The following ZMYND8 variants were observed in gnomAD, a reference collection of about 807,000 sequenced individuals.
ZMYND8 encodes the protein zinc finger MYND-type containing 8.
A neutral mutation model predicts 140.8 loss-of-function variants in ZMYND8; 37 were observed. The observed-to-expected ratio is 0.26, with a 90% CI of 0.20 to 0.35. ZMYND8 has a LOEUF of 0.35. ZMYND8 is among the 10% of genes least tolerant of loss of function. The pLI is 1.00. For missense variants in ZMYND8, 1,068 were observed against 1,570.0 expected (o/e 0.68, Z 5.40); for synonymous variants, 592 against 597.1 (o/e 0.99, Z 0.12).
chr20:47,344,228 T>C (rs1400233524), intron 2 of ZMYND8, among the ~76,000 whole-genome samples: 1 of 152,108 alleles, frequency 6.6e-6, no homozygotes. Context: ...TCCCCCCACC[T>C]TGGCCTCCCA....
intron 2 of ZMYND8, among the ~76,000 whole-genome samples, chr20:47,314,824 A>T (rs1388178391): frequency 2.0e-5 from 3 of 152,184 alleles, no homozygotes; most frequent in Non-Finnish European, 2.9e-5. Context: ...AACAGGAAAC[A>T]ACCCCAGGCA....
At chr20:47,350,017 T>C in intron 1 of ZMYND8, 1 of 1,475,602 alleles carries the variant, frequency 6.8e-7, no homozygotes, top group South Asian at 1.3e-5. Context: ...GCAAACTAGT[T>C]ATGTGGTGGC....
chr20:47,283,517 T>C (rs1408328360), intron 9 of ZMYND8, 54 bp downstream of exon 9: 1 of 1,588,620 alleles, frequency 6.3e-7, no homozygotes. Context: ...CTCAGGGTAG[T>C]CATCCAAGGC....
At chr20:47,213,518 G>C (rs2035595804) in intron 21 of ZMYND8, among the ~76,000 whole-genome samples, 1 of 152,192 alleles carries the variant, frequency 6.6e-6, no homozygotes, top group Non-Finnish European at 1.5e-5. Context: ...TAAGCCAACA[G>C]ACAAGAGTGA....
chr20:47,241,841 G>A (rs1206672415), intron 14 of ZMYND8, among the ~76,000 whole-genome samples: 2 of 139,656 alleles, frequency 1.4e-5, no homozygotes, highest in Admixed American at 1.4e-4. Flanking sequence ...TTTTTGAGAT[G>A]GAGTCTTGCT....
intron 2 of ZMYND8, among the ~76,000 whole-genome samples, chr20:47,345,506 C>CTA (rs1010212157): frequency 3.6e-5 from 5 of 137,450 alleles, no homozygotes; most frequent in African/African-American, 1.3e-4. Context: ...ACCTGACCCA[C>CTA]TTTTTTTTTT....
At chr20:47,284,951 T>C (rs1041789838) in intron 8 of ZMYND8, among the ~76,000 whole-genome samples, 1 of 152,154 alleles carries the variant, frequency 6.6e-6, no homozygotes, top group Non-Finnish European at 1.5e-5. Context: ...AGAAATTAAA[T>C]GAGATAAATG....
chr20:47,232,949 C>T (rs2038735549), intron 16 of ZMYND8, among the ~76,000 whole-genome samples: 1 of 149,778 alleles, frequency 6.7e-6, no homozygotes, highest in Non-Finnish European at 1.5e-5. Context: ...CTCTGTCCCC[C>T]AGGCTGGAGT....
At chr20:47,260,619 C>T (rs974627420) in intron 12 of ZMYND8, among the ~76,000 whole-genome samples, 1 of 152,174 alleles carries the variant, frequency 6.6e-6, no homozygotes, top group African/African-American at 2.4e-5. Flanking sequence ...AAAGAGGCCC[C>T]GTTTAACCCC....
At chr20:47,221,194 G>T in intron 20 of ZMYND8, 120 bp downstream of exon 20, 1 of 1,359,876 alleles carries the variant, frequency 7.4e-7, no homozygotes, top group Non-Finnish European at 1.0e-6. Flanking sequence ...GGAAATGCCG[G>T]CACACTGTTA....
chr20:47,286,089 G>A (rs535087211), intron 8 of ZMYND8, among the ~76,000 whole-genome samples: 1 of 151,940 alleles, frequency 6.6e-6, no homozygotes, highest in South Asian at 2.1e-4. Context: ...AGCTGGGTGT[G>A]ATGGTGCACC....
At chr20:47,292,026 G>A (rs916119421) in intron 5 of ZMYND8, 138 bp from the exon 6 acceptor site, 25 of 626,334 alleles carry the variant, frequency 4.0e-5, no homozygotes, top group South Asian at 7.8e-5. Context: ...AAGGATGACC[G>A]TGGGGAGCTC....
At chr20:47,306,573 C>CTTT (rs113460565) in intron 3 of ZMYND8, among the ~76,000 whole-genome samples, 2,048 of 136,516 alleles carry the variant, frequency 0.015, 54 homozygotes, top group South Asian at 0.051. Flanking sequence ...GATTATTTGC[C>CTTT]TTTTTTTTTT....
At chr20:47,330,089 G>A (rs116530917) in intron 2 of ZMYND8, among the ~76,000 whole-genome samples, 65 of 152,182 alleles carry the variant, frequency 4.3e-4, no homozygotes, top group African/African-American at 1.5e-3. Context: ...GCCAAGAGAG[G>A]GCTTGGGTCT....
chr20:47,351,248 C>T (rs908792888), intron 1 of ZMYND8, among the ~76,000 whole-genome samples: 1 of 152,034 alleles, frequency 6.6e-6, no homozygotes, highest in Admixed American at 6.6e-5. Flanking sequence ...AGGGATGGTC[C>T]GTAATTCCCA....
At chr20:47,229,178 T>C (rs1051268085) in intron 17 of ZMYND8, among the ~76,000 whole-genome samples, 7 of 150,984 alleles carry the variant, frequency 4.6e-5, no homozygotes, top group African/African-American at 1.7e-4. Context: ...GAAATGGGGT[T>C]TCACTATGTT....
chr20:47,336,703 C>T (rs893002069), intron 2 of ZMYND8, among the ~76,000 whole-genome samples: 2 of 152,194 alleles, frequency 1.3e-5, no homozygotes, highest in South Asian at 2.1e-4. Flanking sequence ...CCCGGAAATG[C>T]GTTTTGTTGG....
At chr20:47,255,685 G>A (rs1363659824) in intron 12 of ZMYND8, among the ~76,000 whole-genome samples, 1 of 116,238 alleles carries the variant, frequency 8.6e-6, no homozygotes, top group African/African-American at 3.7e-5. Context: ...GTATGTGTGT[G>A]TGTGTATATA....
intron 2 of ZMYND8, among the ~76,000 whole-genome samples, chr20:47,346,192 T>G (rs923177100): frequency 6.6e-6 from 1 of 151,942 alleles, no homozygotes; most frequent in Non-Finnish European, 1.5e-5. Flanking sequence ...CTCTCTTCAG[T>G]CCCTCTCCAC....
Sources: gnomAD v4.1 joint callset for allele counts (sites outside exome capture counted in the v4.1 genomes callset) on GRCh38, gnomAD v4.1.1 for gene constraint, MANE v1.5 for transcripts, NCBI Gene and HGNC (gene_info 2026-07-23, HGNC 2026-07-21) for gene names.